Variants in FBXO5 observed in about 807,000 individuals in gnomAD.
The protein encoded by FBXO5 is F-box protein 5, also known as F-box only protein 5.
FBXO5 carries 8 observed loss-of-function variants against 43.3 expected under a neutral mutation model. That is an observed-to-expected ratio of 0.18 (90% CI 0.11 to 0.33). The LOEUF is 0.33. Among genes scored for constraint, FBXO5 ranks in the 10% least tolerant of loss-of-function variants. The probability of loss-of-function intolerance (pLI) is 1.00; values close to 1 mark genes in which losing one functional copy is unlikely to be tolerated. For missense variants in FBXO5, 491 were observed against 535.7 expected (o/e 0.92, Z 0.82); for synonymous variants, 204 against 193.7 (o/e 1.05, Z -0.44).
At chr6:152,982,768 G>C (rs960898596) in intron 1 of FBXO5, 89 bp downstream of exon 1, 2 of 909,160 alleles carry the variant, frequency 2.2e-6, no homozygotes, top group Non-Finnish European at 3.1e-6. Flanking sequence ...AGGCTCCGAG[G>C]GACGTCGGGT....
Position 152,975,576 on chromosome 6 carries a change from T to C in FBXO5, c.149A>G (p.Asp50Gly). The C allele has an allele frequency of 6.2e-7, 1 of 1,609,094 alleles. No individual in the cohort carries two copies. Among genetic ancestry groups the C allele is most frequent in the African/African-American group, 1.3e-5 (1 of 74,812 alleles). The change falls in exon 2 of 5, where the codon GAT becomes GGT. Residue 50 changes from aspartate to glycine, a missense_variant. Transcript: ENST00000229758. ...GGAATGAACATGGTTACAATTAAAA[T>C]CACACTTCATTTTGACAGAAAGGGT... ...SSTLSVKMKC[D>G]FNCNHVHSGL...
chr6:152,974,055 G>A (rs1778125963), intron 2 of FBXO5: 1 of 151,640 alleles, frequency 6.6e-6, no homozygotes, highest in Admixed American at 6.6e-5. Context: ...ATCTGACTAA[G>A]TGATTTTCCT....
chr6:152,983,022 C>G lies in FBXO5; in HGVS notation c.-63G>C. On this transcript the variant is annotated 5_prime_UTR_variant, in exon 1 of 5. Coordinates refer to ENST00000229758, the MANE Select transcript of FBXO5 (RefSeq NM_012177.5). ...GCTCCGGGGGCAGCTGAGCAACCTGCCTGCTTCACAGACCTGTATCTCTTA... is the reference window on the plus strand; with the variant it reads ...GCTCCGGGGGCAGCTGAGCAACCTGGCTGCTTCACAGACCTGTATCTCTTA... 1 of 1,013,108 alleles carries G rather than the reference C, an allele frequency of 9.9e-7. No homozygotes were observed. The highest frequency in any genetic ancestry group is 2.1e-5 in the South Asian group (1 of 48,754). The allele number at this position is 1,013,108 out of a possible 1,614,324, so 62.8% of individuals were successfully genotyped here.
intron 3 of FBXO5, 92 bp from the exon 4 acceptor site, chr6:152,972,546 A>G (rs758036630): frequency 1.1e-5 from 10 of 938,010 alleles, no homozygotes; most frequent in Admixed American, 2.8e-5. Flanking sequence ...AGAAATGACA[A>G]ACAAGATTAG....
At chr6:152,979,306 T>C (rs1228182794) in intron 1 of FBXO5, among the ~76,000 whole-genome samples, 1 of 152,210 alleles carries the variant, frequency 6.6e-6, no homozygotes, top group Non-Finnish European at 1.5e-5. Flanking sequence ...ATTTCCTTGT[T>C]TATAATTACC....
chr6:152,983,124 G>C (rs924382905), upstream of FBXO5: 99 of 427,696 alleles, frequency 2.3e-4, 1 homozygote, highest in Non-Finnish European at 7.0e-5. Context: ...CGCGTCGCTT[G>C]CATGCGCGCA....
chr6:152,973,016 T>C, intron 3 of FBXO5, 30 bp downstream of exon 3: 1 of 1,575,210 alleles, frequency 6.3e-7, no homozygotes, highest in Non-Finnish European at 8.7e-7. Flanking sequence ...AGTGCATTTT[T>C]AACTAAAAAC....
chr6:152,973,220 C>T (rs530265363), intron 2 of FBXO5, 84 bp from the exon 3 acceptor site: 10 of 1,067,782 alleles, frequency 9.4e-6, no homozygotes, highest in Middle Eastern at 4.3e-4. Flanking sequence ...ATCAGCAGTG[C>T]AAAAAGATAT....
At chr6:152,973,232 T>G (rs1299800224) in intron 2 of FBXO5, 96 bp from the exon 3 acceptor site, 1 of 956,412 alleles carries the variant, frequency 1.0e-6, no homozygotes, top group Non-Finnish European at 1.6e-6. Context: ...AAAAGATATT[T>G]TATATTATTA....
In FBXO5 at chr6:152,975,175, C is replaced by T. The variant is rs1372676132; in HGVS notation, c.550G>A (p.Asp184Asn). 1 of 1,614,162 alleles carries T rather than the reference C, an allele frequency of 6.2e-7. No homozygotes were observed. The highest frequency in any genetic ancestry group is 1.3e-5 in the African/African-American group (1 of 75,038). ...AGCAAGTTTTTGTTGGGATATTGGTCTGGGCTTTGTATTTGTAGCAGGCAG... is the reference window on the plus strand; with the variant it reads ...AGCAAGTTTTTGTTGGGATATTGGTTTGGGCTTTGTATTTGTAGCAGGCAG... ...QSCLLQIQSPDQYPNKNLLPV... is the reference protein window; with the variant it reads ...QSCLLQIQSPNQYPNKNLLPV... The change falls in exon 2 of 5, where the codon GAC becomes AAC. Residue 184 changes from aspartate to asparagine, a missense_variant. Asp to Asn is a conservative substitution (Grantham distance 23). Coordinates refer to ENST00000229758, the MANE Select transcript of FBXO5 (RefSeq NM_012177.5).
chr6:152,975,881 TCTGC>T, intron 1 of FBXO5, among the ~76,000 whole-genome samples: 1 of 152,222 alleles, frequency 6.6e-6, no homozygotes, highest in East Asian at 1.9e-4. Flanking sequence ...TGCTTTTGGA[TCTGC>T]CTGGCTGTAA....
chr6:152,972,473 T>A lies in FBXO5; in HGVS notation c.910-19A>T, dbSNP rs559037729. On this transcript the variant is annotated intron_variant, in intron 3 of 4. Coordinates refer to ENST00000229758, the MANE Select transcript of FBXO5 (RefSeq NM_012177.5). ...TGTTTTCCTAATTTAAAAAAAAGTT[T>A]TAATAGAATTTAGAAATTATTTCCT... 2.8e-5 allele frequency: 43 copies of A among 1,516,786 alleles called. No individual in the cohort carries two copies. In the African/African-American group the frequency reaches 4.6e-4, roughly 16 times the overall value. The allele number at this position is 1,516,786 out of a possible 1,614,324, so 94.0% of individuals were successfully genotyped here.
At chr6:152,980,528 A>C (rs1778244734) in intron 1 of FBXO5, among the ~76,000 whole-genome samples, 1 of 152,148 alleles carries the variant, frequency 6.6e-6, no homozygotes, top group African/African-American at 2.4e-5. Context: ...AAAGTGGAGA[A>C]ATTTGGTTTA....
intron 1 of FBXO5, among the ~76,000 whole-genome samples, chr6:152,977,105 G>A (rs1412842266): frequency 6.6e-6 from 1 of 152,192 alleles, no homozygotes; most frequent in Non-Finnish European, 1.5e-5. Context: ...TTTGAGCAAC[G>A]GCACAATGCT....
intron 1 of FBXO5, among the ~76,000 whole-genome samples, chr6:152,980,288 G>C (rs1042273148): frequency 6.7e-6 from 1 of 150,058 alleles, no homozygotes; most frequent in Admixed American, 6.6e-5. Flanking sequence ...GGTAGGGAGA[G>C]AGAAAGATAT....
Position 152,971,422 on chromosome 6 carries a change from GA to G in FBXO5, c.1093-9del, listed in dbSNP as rs35736062. 2.4e-4 allele frequency: 346 copies of G among 1,467,374 alleles called. No individual in the cohort carries two copies. Among genetic ancestry groups the G allele is most frequent in the East Asian group, 1.7e-3 (70 of 40,608 alleles). The allele number at this position is 1,467,374 out of a possible 1,614,324, so 90.9% of individuals were successfully genotyped here. On this transcript the variant is annotated splice_polypyrimidine_tract_variant and intron_variant, in intron 4 of 4. Coordinates refer to ENST00000229758, the MANE Select transcript of FBXO5 (RefSeq NM_012177.5). Reference sequence around the variant, plus strand: ...TTTCAATGTCTTGGCAACCTAAAAAGAAAAAAAAAACCCATTAACAAATTTC... The same window carrying G: ...TTTCAATGTCTTGGCAACCTAAAAAGAAAAAAAAACCCATTAACAAATTTC...
intron 1 of FBXO5, among the ~76,000 whole-genome samples, chr6:152,978,159 G>T (rs1461514572): frequency 6.6e-6 from 1 of 152,022 alleles, no homozygotes; most frequent in African/African-American, 2.4e-5. Context: ...AAAAATGATA[G>T]AAAAGTCAGA....
Position 152,971,139 on chromosome 6 carries a change from A to C in FBXO5, c.*24T>G, listed in dbSNP as rs1276621565. ...CATTTTCTAACTAACATTCATGATC[A>C]GTAACAATTGATTTAATAAGAGATC... On this transcript the variant is annotated 3_prime_UTR_variant, in exon 5 of 5. Transcript: ENST00000229758. 6.4e-7 allele frequency: 1 copy of C among 1,572,318 alleles called. No individual in the cohort carries two copies. Among genetic ancestry groups the C allele is most frequent in the Non-Finnish European group, 8.6e-7 (1 of 1,162,444 alleles).
intron 2 of FBXO5, among the ~76,000 whole-genome samples, chr6:152,974,206 C>CAAA (rs74642777): frequency 7.8e-6 from 1 of 128,820 alleles, no homozygotes; most frequent in Non-Finnish European, 1.7e-5. Context: ...AACCCTGTCT[C>CAAA]AAAAAAAAAA....
Sources: allele counts gnomAD v4.1 joint callset (sites outside exome capture counted in the v4.1 genomes callset), GRCh38; gene constraint gnomAD v4.1.1; transcripts MANE v1.5; gene names NCBI Gene and HGNC (gene_info 2026-07-23, HGNC 2026-07-21).